The following PALM2AKAP2 variants were observed in gnomAD, a reference collection of about 807,000 sequenced individuals.
PALM2AKAP2 encodes PALM2 and AKAP2 fusion, also known as PALM2-AKAP2 fusion protein.
In PALM2AKAP2, 37 loss-of-function variants were observed where a neutral mutation model predicts 71.5. The ratio of observed to expected loss-of-function variants is 0.52; its 90% CI spans 0.40 to 0.68. The LOEUF (loss-of-function observed/expected upper bound fraction) is 0.68. PALM2AKAP2 is among the 30% of genes least tolerant of loss of function. The probability of loss-of-function intolerance (pLI) is 0.00; values close to 1 mark genes in which losing one functional copy is unlikely to be tolerated. For synonymous variants in PALM2AKAP2, 468 were observed against 478.8 expected (o/e 0.98, Z 0.29); for missense variants, 1,224 against 1,191.8 (o/e 1.03, Z -0.40).
chr9:109,973,414 C>T (rs1832108951), intron 6 of PALM2AKAP2, among the ~76,000 whole-genome samples: 1 of 152,138 alleles, frequency 6.6e-6, no homozygotes, highest in African/African-American at 2.4e-5. Flanking sequence ...AGGATCAGCC[C>T]CTATATGGAA....
chr9:109,715,652 T>C (rs1188311488), intron 1 of PALM2AKAP2, among the ~76,000 whole-genome samples: 1 of 152,226 alleles, frequency 6.6e-6, no homozygotes, highest in African/African-American at 2.4e-5. Flanking sequence ...ATGCCCATCA[T>C]GTTCCTTTCA....
intron 6 of PALM2AKAP2, among the ~76,000 whole-genome samples, chr9:110,001,354 T>A (rs1456424535): frequency 6.6e-6 from 1 of 152,218 alleles, no homozygotes; most frequent in Non-Finnish European, 1.5e-5. Context: ...GAGGGCTCTG[T>A]TCTGTTCCAT....
intron 6 of PALM2AKAP2, among the ~76,000 whole-genome samples, chr9:110,011,438 A>T (rs747193605): frequency 6.6e-6 from 1 of 151,876 alleles, no homozygotes; most frequent in Non-Finnish European, 1.5e-5. Context: ...TCGAGGGGAA[A>T]CTCTTCTCCG....
At chr9:109,998,784 G>GAAAAT (rs1564252217) in intron 6 of PALM2AKAP2, among the ~76,000 whole-genome samples, 2 of 130,176 alleles carry the variant, frequency 1.5e-5, no homozygotes, top group Admixed American at 7.5e-5. Context: ...AAAAAAAAAG[G>GAAAAT]GGGGATAGTC....
At chr9:109,838,676 C>T (rs1180565542) in intron 1 of PALM2AKAP2, among the ~76,000 whole-genome samples, 1 of 152,008 alleles carries the variant, frequency 6.6e-6, no homozygotes, top group Admixed American at 6.6e-5. Context: ...ATAGACGCAA[C>T]AAAATTGATA....
At chr9:109,712,335 A>T (rs912945374) in intron 1 of PALM2AKAP2, among the ~76,000 whole-genome samples, 4 of 152,242 alleles carry the variant, frequency 2.6e-5, no homozygotes, top group African/African-American at 4.8e-5. Flanking sequence ...CTTTTTGCTA[A>T]ACAGCAAGCT....
chr9:109,733,626 T>C (rs1182113919), intron 1 of PALM2AKAP2, among the ~76,000 whole-genome samples: 1 of 152,230 alleles, frequency 6.6e-6, no homozygotes, highest in Non-Finnish European at 1.5e-5. Flanking sequence ...CTTTCAAGGC[T>C]GTCAGTTTAT....
chr9:109,887,686 C>CT (rs1829997736), intron 3 of PALM2AKAP2, among the ~76,000 whole-genome samples: 1 of 11,194 alleles, frequency 8.9e-5, no homozygotes, highest in South Asian at 2.5e-3. Flanking sequence ...TAACTTGCTG[C>CT]CCCCCCCTAA....
chr9:109,806,009 C>G (rs1189201112), intron 1 of PALM2AKAP2, among the ~76,000 whole-genome samples: 3 of 152,198 alleles, frequency 2.0e-5, no homozygotes, highest in African/African-American at 7.2e-5. Context: ...TGAGACCAGC[C>G]ATTACCTGGG....
At chr9:110,006,915 GTT>G (rs970107769) in intron 6 of PALM2AKAP2, among the ~76,000 whole-genome samples, 1 of 152,040 alleles carries the variant, frequency 6.6e-6, no homozygotes, top group African/African-American at 2.4e-5. Context: ...TCAACCCAGG[GTT>G]TATTCTTGGT....
chr9:110,086,808 A>C (rs1040831483), intron 1 of PALM2AKAP2, among the ~76,000 whole-genome samples: 28 of 152,210 alleles, frequency 1.8e-4, no homozygotes, highest in Non-Finnish European at 8.8e-5. Flanking sequence ...CTCTAGGGTC[A>C]TGAAGATCAT....
chr9:109,713,276 C>A (rs1014041174), intron 1 of PALM2AKAP2, among the ~76,000 whole-genome samples: 6 of 152,180 alleles, frequency 3.9e-5, no homozygotes, highest in African/African-American at 1.4e-4. Context: ...TCTCTTTTCC[C>A]AGCCTTCATG....
chr9:110,163,360 T>C (rs916720465), intron 3 of PALM2AKAP2, among the ~76,000 whole-genome samples: 1 of 152,176 alleles, frequency 6.6e-6, no homozygotes, highest in African/African-American at 2.4e-5. Flanking sequence ...TAATATAAGA[T>C]AATAAAATAA....
At chr9:109,692,025 G>A (rs1827904876) in intron 1 of PALM2AKAP2, among the ~76,000 whole-genome samples, 1 of 145,650 alleles carries the variant, frequency 6.9e-6, no homozygotes, top group Non-Finnish European at 1.5e-5. Flanking sequence ...TAATGTGCAG[G>A]TTTGATATAA....
intron 1 of PALM2AKAP2, among the ~76,000 whole-genome samples, chr9:109,673,478 T>G (rs1351753209): frequency 6.6e-6 from 1 of 152,176 alleles, no homozygotes; most frequent in African/African-American, 2.4e-5. Flanking sequence ...CTGTTACGAT[T>G]TCAGTTGTAT....
chr9:109,773,286 C>G (rs2118771213), intron 1 of PALM2AKAP2, among the ~76,000 whole-genome samples: 1 of 152,242 alleles, frequency 6.6e-6, no homozygotes, highest in South Asian at 2.1e-4. Flanking sequence ...CAACCATATG[C>G]TGCCACACCT....
intron 1 of PALM2AKAP2, among the ~76,000 whole-genome samples, chr9:109,823,829 A>C (rs1019456408): frequency 2.6e-5 from 4 of 152,188 alleles, no homozygotes; most frequent in African/African-American, 7.2e-5. Flanking sequence ...TTTGCATTGT[A>C]ATCTTAACAA....
At chr9:110,004,728 C>T (rs1342140101) in intron 6 of PALM2AKAP2, among the ~76,000 whole-genome samples, 2 of 152,140 alleles carry the variant, frequency 1.3e-5, no homozygotes, top group Admixed American at 1.3e-4. Context: ...TTGTTTGTTA[C>T]TTTTTATTCT....
At chr9:110,168,190 A>G (rs779745667) in intron 3 of PALM2AKAP2, among the ~76,000 whole-genome samples, 3 of 152,232 alleles carry the variant, frequency 2.0e-5, no homozygotes, top group Non-Finnish European at 4.4e-5. Context: ...CTAGGGGTCA[A>G]GTAGCAGATG....
Sources: gnomAD v4.1 joint callset for allele counts (sites outside exome capture counted in the v4.1 genomes callset) on GRCh38, gnomAD v4.1.1 for gene constraint, MANE v1.5 for transcripts, NCBI Gene and HGNC (gene_info 2026-07-23, HGNC 2026-07-21) for gene names.